ME1: variants seen among roughly 807,000 people sequenced by gnomAD.
The protein encoded by ME1 is malic enzyme 1.
ME1 carries 74 observed loss-of-function variants against 66.4 expected under a neutral mutation model. The ratio of observed to expected loss-of-function variants is 1.11; its 90% confidence interval spans 0.92 to 1.35. The LOEUF (loss-of-function observed/expected upper bound fraction) is 1.35. Ranked by LOEUF, ME1 falls within the 40% of genes most tolerant of loss-of-function variation. The pLI is 0.00. For missense variants in ME1, 750 were observed against 694.1 expected, an observed-to-expected ratio of 1.08 and a Z score of -0.90; for synonymous variants, 251 against 235.6, an observed-to-expected ratio of 1.07 and a Z score of -0.60.
intron 8 of ME1, among the ~76,000 whole-genome samples, chr6:83,238,508 T>A (rs917715782): frequency 1.3e-5 from 2 of 152,026 alleles, no homozygotes; most frequent in Non-Finnish European, 2.9e-5. Context: ...TTCAAAGAGG[T>A]TTACTAAAGT....
intron 12 of ME1, among the ~76,000 whole-genome samples, chr6:83,218,311 T>C (rs1481997841): frequency 1.3e-5 from 2 of 152,168 alleles, no homozygotes; most frequent in African/African-American, 4.8e-5. Context: ...TTTGGCCTAC[T>C]GGGTAATGTA....
intron 8 of ME1, among the ~76,000 whole-genome samples, chr6:83,238,472 G>A (rs1790453444): frequency 6.6e-6 from 1 of 152,114 alleles, no homozygotes; most frequent in Non-Finnish European, 1.5e-5. Context: ...GAACTGGCCT[G>A]TGCCATTCAT....
At chr6:83,298,908 C>A (rs937744238) in intron 6 of ME1, among the ~76,000 whole-genome samples, 11 of 87,036 alleles carry the variant, frequency 1.3e-4, no homozygotes, top group Non-Finnish European at 2.0e-4. Flanking sequence ...GATCTCTATG[C>A]TGTTCCATTA....
chr6:83,413,525 TA>T (rs1220727343), intron 1 of ME1, among the ~76,000 whole-genome samples: 4 of 152,110 alleles, frequency 2.6e-5, no homozygotes, highest in African/African-American at 9.6e-5. Context: ...ATTTTAATGC[TA>T]ATTTGGGGGA....
intron 5 of ME1, among the ~76,000 whole-genome samples, chr6:83,343,822 G>T (rs1768634569): frequency 6.6e-6 from 1 of 152,018 alleles, no homozygotes; most frequent in African/African-American, 2.4e-5. Context: ...CATCAATTTG[G>T]CTATTTTAAG....
intron 6 of ME1, among the ~76,000 whole-genome samples, chr6:83,289,594 C>A (rs780135598): frequency 5.9e-5 from 9 of 152,064 alleles, no homozygotes; most frequent in Non-Finnish European, 1.0e-4. Flanking sequence ...CTGAAATTTT[C>A]TTTTTTTGTT....
intron 9 of ME1, among the ~76,000 whole-genome samples, chr6:83,233,966 T>C (rs550889030): frequency 6.6e-6 from 1 of 152,048 alleles, no homozygotes; most frequent in Non-Finnish European, 1.5e-5. Context: ...ATTAAATATA[T>C]AACAACCTTT....
rs1220874115 is a variant in ME1 at position 83,211,172 on chromosome 6, G to C, written c.*752C>G. On this transcript the variant is annotated 3_prime_UTR_variant, in exon 14 of 14. Coordinates refer to ENST00000369705, the MANE Select transcript of ME1 (RefSeq NM_002395.6). The stretch of plus-strand genomic sequence containing the variant: ...ACTGAAGGTGCCAACCTCGGGACAG[G>C]GGCCACAGTCCACAAAATCCCTGTA... The C allele has an allele frequency of 1.3e-5, 2 of 152,312 alleles. No individual in the cohort carries two copies. Among genetic ancestry groups the C allele is most frequent in the Non-Finnish European group, 2.9e-5 (2 of 68,042 alleles). The allele number at this position is 152,312 out of a possible 1,614,324, so 9.4% of individuals were successfully genotyped here. A position where few individuals can be genotyped will look rare whatever the true frequency, so the allele number is the denominator to read the frequency against.
intron 3 of ME1, among the ~76,000 whole-genome samples, chr6:83,362,396 T>G (rs1321853553): frequency 2.0e-5 from 3 of 152,188 alleles, no homozygotes; most frequent in Non-Finnish European, 2.9e-5. Flanking sequence ...ATTTTAATAA[T>G]CAAGTGACAG....
intron 6 of ME1, among the ~76,000 whole-genome samples, chr6:83,291,281 T>C (rs541857616): frequency 2.9e-4 from 44 of 152,342 alleles, no homozygotes; most frequent in African/African-American, 1.0e-3. Flanking sequence ...CCATGTTTAG[T>C]GCTTCCTTCA....
At chr6:83,265,386 T>A (rs993454178) in intron 6 of ME1, among the ~76,000 whole-genome samples, 1 of 152,016 alleles carries the variant, frequency 6.6e-6, no homozygotes, top group African/African-American at 2.4e-5. Flanking sequence ...AGCCTCAACA[T>A]CCCAGGGTCA....
intron 7 of ME1, among the ~76,000 whole-genome samples, chr6:83,246,437 T>G (rs1490027463): frequency 6.6e-6 from 1 of 152,152 alleles, no homozygotes; most frequent in African/African-American, 2.4e-5. Flanking sequence ...CATACTGATA[T>G]GTGTATATTC....
chr6:83,267,465 G>C (rs1174622881), intron 6 of ME1, among the ~76,000 whole-genome samples: 2 of 152,172 alleles, frequency 1.3e-5, no homozygotes, highest in Non-Finnish European at 2.9e-5. Context: ...ATTAGTCAAA[G>C]AGGAAATAAA....
intron 6 of ME1, among the ~76,000 whole-genome samples, chr6:83,270,976 A>G (rs1767071975): frequency 6.6e-6 from 1 of 152,048 alleles, no homozygotes; most frequent in Non-Finnish European, 1.5e-5. Context: ...AGCCAAACAA[A>G]TTTAGTTAAT....
rs1243429998 is a variant in ME1 at position 83,315,298 on chromosome 6, AAAGATACATACTTGG to A, written c.701_704+11del. The A allele has an allele frequency of 2.0e-5, 31 of 1,514,882 alleles. No homozygotes were observed. The highest frequency in any genetic ancestry group is 3.5e-5 in the Admixed American group (2 of 57,434). The allele number at this position is 1,514,882 out of a possible 1,614,324, so 93.8% of individuals were successfully genotyped here. A position where few individuals can be genotyped will look rare whatever the true frequency, so the allele number is the denominator to read the frequency against. ...TTACTGACTAAAATATAGGTTAAAT[AAAGATACATACTTGG>A]AAGAAACTGCCTCCATGAATTCGTC... On this transcript the variant is annotated splice_donor_variant and splice_donor_5th_base_variant and coding_sequence_variant and intron_variant, in exon 6 of 14. Coordinates refer to ENST00000369705, the MANE Select transcript of ME1 (RefSeq NM_002395.6). LOFTEE classifies it high-confidence loss of function.
chr6:83,424,240 A>G (rs1770326145), intron 1 of ME1, among the ~76,000 whole-genome samples: 1 of 152,220 alleles, frequency 6.6e-6, no homozygotes, highest in African/African-American at 2.4e-5. Context: ...TATAATGGTA[A>G]GATCTCTATA....
At chr6:83,312,106 G>T (rs1767941535) in intron 6 of ME1, among the ~76,000 whole-genome samples, 1 of 152,012 alleles carries the variant, frequency 6.6e-6, no homozygotes, top group Non-Finnish European at 1.5e-5. Context: ...AAGAATACAG[G>T]GTAATAATCC....
intron 6 of ME1, among the ~76,000 whole-genome samples, chr6:83,257,263 T>C (rs1049574706): frequency 6.6e-6 from 1 of 151,736 alleles, no homozygotes; most frequent in Admixed American, 6.6e-5. Flanking sequence ...AGACTTTTAC[T>C]AAAGAAACTT....
chr6:83,285,896 T>C (rs1269606709), intron 6 of ME1, among the ~76,000 whole-genome samples: 1 of 152,186 alleles, frequency 6.6e-6, no homozygotes, highest in Non-Finnish European at 1.5e-5. Flanking sequence ...TAACCGAGTT[T>C]TCCATAGTTG....
Sources: allele counts gnomAD v4.1 joint callset (sites outside exome capture counted in the v4.1 genomes callset), GRCh38; gene constraint gnomAD v4.1.1; transcripts MANE v1.5; gene names NCBI Gene and HGNC (gene_info 2026-07-23, HGNC 2026-07-21).